Variants in PCDHGA3 observed in about 807,000 individuals in gnomAD.
PCDHGA3 encodes the protein protocadherin gamma subfamily A, 3, also known as protocadherin gamma-A3.
PCDHGA3 carries 40 observed loss-of-function variants against 58.5 expected under a neutral mutation model. The ratio of observed to expected loss-of-function variants is 0.68; its 90% CI spans 0.53 to 0.89. PCDHGA3 has a LOEUF of 0.89. Among genes scored for constraint, PCDHGA3 ranks in the 40% least tolerant of loss-of-function variants. The pLI is 0.00. For missense variants in PCDHGA3, 1,223 were observed against 1,195.9 expected (o/e 1.02, Z -0.33); for synonymous variants, 530 against 525.7 (o/e 1.01, Z -0.11).
intron 1 of PCDHGA3, chr5:141,427,818 G>T: frequency 6.5e-7 from 1 of 1,530,644 alleles, no homozygotes; most frequent in Non-Finnish European, 9.0e-7. Flanking sequence ...GAGCGGGGTG[G>T]TGGTCGCGCA....
chr5:141,434,920 A>C (rs927245955), intron 1 of PCDHGA3, among the ~76,000 whole-genome samples: 1 of 151,796 alleles, frequency 6.6e-6, no homozygotes. Flanking sequence ...ATTTATGTAC[A>C]TATATTTTAT....
chr5:141,457,902 G>A (rs1219261409), intron 1 of PCDHGA3, among the ~76,000 whole-genome samples: 1 of 150,854 alleles, frequency 6.6e-6, no homozygotes, highest in Non-Finnish European at 1.5e-5. Flanking sequence ...GTGTAGACAA[G>A]GTGTGAGGCC....
At position 141,363,638 on chromosome 5, in the gene PCDHGA3, C is replaced by A. The variant is rs116516403; in HGVS notation, c.2424+17181C>A. ...TGGAGAGACTTTCTCAAAGTCCTCA[C>A]AAGTAACAAAGATCTTTATTTCTTC... On this transcript the variant is annotated intron_variant, in intron 1 of 3. Coordinates refer to ENST00000253812, the MANE Select transcript of PCDHGA3 (RefSeq NM_018916.4). 6.6e-4 allele frequency among the ~76,000 whole-genome samples: 101 copies of A among 152,308 alleles called. 1 individual carries two copies. The highest frequency in any genetic ancestry group is 2.4e-3 in the African/African-American group (100 of 41,570).
At chr5:141,365,471 G>C in intron 1 of PCDHGA3, 1 of 1,614,030 alleles carries the variant, frequency 6.2e-7, no homozygotes, top group South Asian at 1.1e-5. Flanking sequence ...AGAAAATGGT[G>C]AGATTGCATG....
intron 1 of PCDHGA3, chr5:141,398,627 T>C: frequency 6.2e-7 from 1 of 1,614,044 alleles, no homozygotes; most frequent in Non-Finnish European, 8.5e-7. Context: ...TTAAACTCTC[T>C]GCAGAAGTAT....
chr5:141,375,967 G>C (rs200712802), intron 1 of PCDHGA3: 9 of 1,613,254 alleles, frequency 5.6e-6, no homozygotes, highest in East Asian at 2.2e-5. Flanking sequence ...AGGTGCGCAC[G>C]GCGCGCGCCC....
intron 1 of PCDHGA3, chr5:141,413,689 C>A: frequency 1.2e-6 from 2 of 1,613,800 alleles, no homozygotes; most frequent in Non-Finnish European, 1.7e-6. Flanking sequence ...GAACTCCCTG[C>A]AGAGCTATCA....
intron 1 of PCDHGA3, among the ~76,000 whole-genome samples, chr5:141,434,029 A>C (rs970204484): frequency 2.6e-5 from 4 of 152,126 alleles, no homozygotes; most frequent in Admixed American, 2.6e-4. Context: ...TTCTGGAAGC[A>C]TGGTTTTCTA....
intron 1 of PCDHGA3, among the ~76,000 whole-genome samples, chr5:141,452,114 A>C (rs1443131264): frequency 1.3e-5 from 2 of 152,098 alleles, no homozygotes; most frequent in Admixed American, 1.3e-4. Flanking sequence ...TTCTCTTCTT[A>C]TTTATTCATA....
chr5:141,501,439 C>G (rs1245306644), intron 2 of PCDHGA3, among the ~76,000 whole-genome samples: 1 of 151,978 alleles, frequency 6.6e-6, no homozygotes, highest in Non-Finnish European at 1.5e-5. Context: ...TCCATTTCTT[C>G]CATTTTTACT....
intron 1 of PCDHGA3, chr5:141,357,088 C>A (rs530114356): frequency 1.2e-6 from 2 of 1,613,782 alleles, no homozygotes; most frequent in Admixed American, 1.7e-5. Flanking sequence ...GCGCACCGCA[C>A]GGGCCCTGCT....
intron 1 of PCDHGA3, chr5:141,355,582 G>A: frequency 6.2e-7 from 1 of 1,613,982 alleles, no homozygotes; most frequent in East Asian, 2.2e-5. Flanking sequence ...CGATGTTAAT[G>A]ATAACCCACC....
chr5:141,433,289 G>A, intron 1 of PCDHGA3: 1 of 1,130,682 alleles, frequency 8.8e-7, no homozygotes, highest in Non-Finnish European at 1.3e-6. Flanking sequence ...AAACTCCTAG[G>A]CTCAAGCAAT....
chr5:141,419,539 G>A, intron 1 of PCDHGA3: 3 of 1,612,058 alleles, frequency 1.9e-6, no homozygotes, highest in Non-Finnish European at 2.5e-6. Flanking sequence ...ACAACGCACC[G>A]CGGGTGCTGT....
chr5:141,365,340 T>C (rs776988694), intron 1 of PCDHGA3: 5 of 1,613,832 alleles, frequency 3.1e-6, no homozygotes, highest in Admixed American at 1.7e-5. Flanking sequence ...GTGGTCACAG[T>C]ACAGGACGTG....
chr5:141,455,477 C>A (rs557286491), intron 1 of PCDHGA3, among the ~76,000 whole-genome samples: 15 of 152,252 alleles, frequency 9.9e-5, no homozygotes, highest in African/African-American at 2.9e-4. Flanking sequence ...TATGCAGAGG[C>A]TGGTGGAGGT....
Position 141,511,403 on chromosome 5 carries a change from AC to A in PCDHGA3, c.*231del. ...TCCGCTGGGAACCCCCATCCAATCA[AC>A]TGCTGTACCCATGGGGGTAGTGGGG... is the stretch of plus-strand genomic sequence containing the variant. On this transcript the variant is annotated 3_prime_UTR_variant, in exon 4 of 4. Coordinates refer to ENST00000253812, the MANE Select transcript of PCDHGA3 (RefSeq NM_018916.4). 1.1e-6 allele frequency: 1 copy of A among 939,022 alleles called. No homozygotes were observed. The highest frequency in any genetic ancestry group is 1.5e-6 in the Non-Finnish European group (1 of 650,838). The allele number at this position is 939,022 out of a possible 1,614,324, so 58.2% of individuals were successfully genotyped here. A position where few individuals can be genotyped will look rare whatever the true frequency, so the allele number is the denominator to read the frequency against.
At chr5:141,422,181 G>A in intron 1 of PCDHGA3, 3 of 1,561,316 alleles carry the variant, frequency 1.9e-6, no homozygotes, top group Non-Finnish European at 2.6e-6. Flanking sequence ...TCTATGAGAT[G>A]GAAATTCAAG....
At chr5:141,453,909 T>C (rs1484310834) in intron 1 of PCDHGA3, among the ~76,000 whole-genome samples, 1 of 152,236 alleles carries the variant, frequency 6.6e-6, no homozygotes, top group Non-Finnish European at 1.5e-5. Flanking sequence ...TTTCAAAGTA[T>C]GTCAGTGATC....
Sources: allele counts gnomAD v4.1 joint callset (sites outside exome capture counted in the v4.1 genomes callset), GRCh38; gene constraint gnomAD v4.1.1; transcripts MANE v1.5; gene names NCBI Gene and HGNC (gene_info 2026-07-23, HGNC 2026-07-21).